DST: variants seen among roughly 807,000 people sequenced by gnomAD.
DST encodes dystonin.
In DST, 253 loss-of-function variants were observed where a neutral mutation model predicts 875.2. That is an observed-to-expected ratio of 0.29 (90% CI 0.26 to 0.32). The LOEUF (loss-of-function observed/expected upper bound fraction) is 0.32. DST is among the 10% of genes least tolerant of loss of function. The pLI, the probability that DST is intolerant of heterozygous loss-of-function variation, is 1.00. For synonymous variants in DST, 3,124 were observed against 3,197.1 expected (o/e 0.98, Z 0.77); for missense variants, 8,287 against 9,111.6 (o/e 0.91, Z 3.68).
chr6:56,606,782 G>A lies in DST; in HGVS notation c.7846C>T (p.Pro2616Ser). The change falls in exon 40 of 104, where the codon CCC becomes TCC. Residue 2616 changes from proline to serine, a missense_variant. Pro to Ser is a moderately conservative substitution (Grantham distance 74, BLOSUM62 -1). This residue lies in a region of DST where 3,138 missense variants were observed against 3,116.6 expected (regional missense o/e 1.01). Coordinates refer to ENST00000680361, the MANE Select transcript of DST (RefSeq NM_001374736.1). ...TDSDDDFYDTPLFEDDDHDSL... is the reference protein window; with the variant it reads ...TDSDDDFYDTSLFEDDDHDSL... Reference sequence around the variant, plus strand: ...TCATGGTCATCATCTTCAAACAAGGGAGTATCATAAAAATCATCATCACTA... The same window carrying A: ...TCATGGTCATCATCTTCAAACAAGGAAGTATCATAAAAATCATCATCACTA... 1 of 1,613,252 alleles carries A rather than the reference G, an allele frequency of 6.2e-7. No individual in the cohort carries two copies. Among genetic ancestry groups the A allele is most frequent in the Non-Finnish European group, 8.5e-7 (1 of 1,179,596 alleles).
At chr6:56,486,362 C>CAAAAA (rs61164880) in intron 87 of DST, among the ~76,000 whole-genome samples, 18 of 34,002 alleles carry the variant, frequency 5.3e-4, no homozygotes, top group Admixed American at 1.2e-3. Context: ...GACTCCGTCT[C>CAAAAA]AAAAAAAAAA....
intron 55 of DST, among the ~76,000 whole-genome samples, chr6:56,565,918 A>T (rs1025205507): frequency 6.6e-6 from 1 of 152,352 alleles, no homozygotes; most frequent in Admixed American, 6.5e-5. Context: ...CTAGAGAGGC[A>T]GTCTGGCTAC....
chr6:56,585,477 TTCTC>T (rs1489165541), intron 49 of DST, among the ~76,000 whole-genome samples: 1 of 152,120 alleles, frequency 6.6e-6, no homozygotes, highest in East Asian at 1.9e-4. Flanking sequence ...TATTTGATTC[TTCTC>T]TCTTTTTTTC....
At position 56,654,586 on chromosome 6, in the gene DST, C is replaced by CTATATATATATATATATATATA. The variant is rs138507484; in HGVS notation, c.1215-3343_1215-3342insTATATATATATATATATATATA. ...TCTTAAAAGAGCAATCTCCCCTAGG[C>CTATATATATATATATATATATA]TATATATATATATATATATCTCCAC... is the stretch of plus-strand genomic sequence containing the variant. On this transcript the variant is annotated intron_variant, in intron 10 of 103. Coordinates refer to ENST00000680361, the MANE Select transcript of DST (RefSeq NM_001374736.1). 4.5e-3 allele frequency among the ~76,000 whole-genome samples: 598 copies of CTATATATATATATATATATATA among 133,040 alleles called. 25 individuals carry two copies. Among genetic ancestry groups the CTATATATATATATATATATATA allele is most frequent in the African/African-American group, 0.018 (528 of 28,802 alleles). The allele number at this position is 133,040 out of a possible 152,430, so 87.3% of individuals were successfully genotyped here.
At position 56,914,637 on chromosome 6, in the gene DST, C is replaced by T. The variant is rs557086467; in HGVS notation, c.217-14016G>A. On this transcript the variant is annotated intron_variant, in intron 2 of 103. Coordinates refer to ENST00000680361, the MANE Select transcript of DST (RefSeq NM_001374736.1). ...AATCTCCTGCATAGAGTCTCCATCT[C>T]AAAGTCTATTTTTCTGGGAAGCTGA... Among the ~76,000 whole-genome samples the T allele has an allele frequency of 4.6e-5, 7 of 152,306 alleles. 1 individual carries two copies. In the South Asian group the frequency reaches 1.5e-3, roughly 32 times the overall value.
rs1267220207 is a variant in DST, at chr6:56,608,135, A to G, written c.6493T>C (p.Phe2165Leu). 2 of 1,613,700 alleles carry G rather than the reference A, an allele frequency of 1.2e-6. No homozygotes were observed. Among genetic ancestry groups the G allele is most frequent in the Non-Finnish European group, 1.7e-6 (2 of 1,179,732 alleles). ...ACTGTGGAGGGTTGAAATTTACAAA[A>G]AGAGAGCCATCTTCTGGCATTTTTA... ...ACKNARRWLS[F>L]CKFQPSTVHD... The change falls in exon 40 of 104, where the codon TTT becomes CTT. Residue 2165 changes from phenylalanine to leucine, a missense_variant. This residue lies in a region of DST where 3,138 missense variants were observed against 3,116.6 expected (regional missense o/e 1.01). Transcript: ENST00000680361.
At chr6:56,656,944 T>C (rs568270877) in intron 10 of DST, among the ~76,000 whole-genome samples, 11 of 152,092 alleles carry the variant, frequency 7.2e-5, no homozygotes, top group Non-Finnish European at 1.5e-4. Flanking sequence ...AAAACAGAAC[T>C]CATCAATGTG....
chr6:56,948,999 CAGTT>C (rs1338430224), intron 2 of DST, among the ~76,000 whole-genome samples: 5 of 152,170 alleles, frequency 3.3e-5, no homozygotes, highest in African/African-American at 4.8e-5. Flanking sequence ...CAAGGTGACA[CAGTT>C]AGTTTGTGGC....
At chr6:56,704,594 A>T (rs1455972224) in intron 5 of DST, among the ~76,000 whole-genome samples, 1 of 152,244 alleles carries the variant, frequency 6.6e-6, no homozygotes, top group Non-Finnish European at 1.5e-5. Context: ...AAATTATTAC[A>T]TTTTTAAGAC....
chr6:56,867,039 C>A (rs766798803), intron 3 of DST, among the ~76,000 whole-genome samples: 4 of 152,206 alleles, frequency 2.6e-5, no homozygotes, highest in Non-Finnish European at 5.9e-5. Context: ...CATAGTCTCA[C>A]AACCCACAGT....
chr6:56,648,873 C>T (rs147897491), intron 12 of DST, among the ~76,000 whole-genome samples, 184 bp from the exon 13 acceptor site: 176 of 152,294 alleles, frequency 1.2e-3, no homozygotes, highest in African/African-American at 4.0e-3. Flanking sequence ...GTAAAATTTG[C>T]TATCAACATT....
At chr6:56,953,163 G>A (rs957936814) in intron 2 of DST, among the ~76,000 whole-genome samples, 8 of 152,204 alleles carry the variant, frequency 5.3e-5, no homozygotes, top group Non-Finnish European at 8.8e-5. Flanking sequence ...AGAAATCCTA[G>A]GTCAAGGAGC....
At chr6:56,793,966 G>A (rs2099735464) in intron 4 of DST, among the ~76,000 whole-genome samples, 1 of 152,180 alleles carries the variant, frequency 6.6e-6, no homozygotes, top group Non-Finnish European at 1.5e-5. Flanking sequence ...CTGATTTAAG[G>A]AGAAAAGTCA....
chr6:56,678,812 T>C (rs974779160), intron 9 of DST, among the ~76,000 whole-genome samples: 1 of 152,180 alleles, frequency 6.6e-6, no homozygotes, highest in Non-Finnish European at 1.5e-5. Context: ...CAAAATTATC[T>C]ACATGAACAA....
chr6:56,506,819 T>A, intron 75 of DST, 30 bp from the exon 76 acceptor site: 1 of 1,590,402 alleles, frequency 6.3e-7, no homozygotes, highest in Non-Finnish European at 8.6e-7. Flanking sequence ...GCCTTAGAAT[T>A]TTAAGCAAAA....
chr6:56,797,680 G>T (rs965848162), intron 4 of DST, among the ~76,000 whole-genome samples: 1 of 152,012 alleles, frequency 6.6e-6, no homozygotes, highest in Admixed American at 6.6e-5. Flanking sequence ...TTAGCTGGGC[G>T]TGGTGGCAGG....
chr6:56,688,380 T>C (rs1344448813), intron 9 of DST, among the ~76,000 whole-genome samples: 1 of 152,306 alleles, frequency 6.6e-6, no homozygotes, highest in East Asian at 1.9e-4. Flanking sequence ...AAAAAAATAA[T>C]GAATAAATAT....
chr6:56,937,537 AC>A (rs1377157295), intron 2 of DST, among the ~76,000 whole-genome samples: 1 of 152,212 alleles, frequency 6.6e-6, no homozygotes, highest in African/African-American at 2.4e-5. Context: ...AAGATACTGG[AC>A]CCCACATACA....
At chr6:56,926,831 A>G (rs1331714553) in intron 2 of DST, among the ~76,000 whole-genome samples, 1 of 152,220 alleles carries the variant, frequency 6.6e-6, no homozygotes, top group Non-Finnish European at 1.5e-5. Context: ...CACCTCAGGA[A>G]TACATGTACT....
Sources: allele counts gnomAD v4.1 joint callset (sites outside exome capture counted in the v4.1 genomes callset), GRCh38; gene constraint gnomAD v4.1.1; regional missense constraint gnomAD v4.1.1; transcripts MANE v1.5; gene names NCBI Gene and HGNC (gene_info 2026-07-23, HGNC 2026-07-21).